The following BRD4 variants were observed in gnomAD, a reference collection of about 807,000 sequenced individuals.
BRD4 encodes bromodomain containing 4, also known as bromodomain-containing protein 4.
Under a neutral mutation model 142.1 loss-of-function variants are expected in BRD4, and 16 were observed. The observed-to-expected ratio is 0.11, with a 90% CI of 0.08 to 0.17. BRD4 has a LOEUF of 0.17. BRD4 is among the 10% of genes least tolerant of loss of function. The pLI is 1.00. For synonymous variants in BRD4, 833 were observed against 707.5 expected (o/e 1.18, Z -2.82); for missense variants, 1,424 against 1,810.9 (o/e 0.79, Z 3.88).
intron 11 of BRD4, chr19:15,253,037 G>A (rs2047364338): frequency 4.3e-6 from 1 of 233,754 alleles, no homozygotes; most frequent in South Asian, 1.7e-4. Context: ...AAATCCCAGG[G>A]ATGGGACAGG....
chr19:15,297,475 T>C (rs2047832840), intron 1 of BRD4, among the ~76,000 whole-genome samples: 1 of 152,216 alleles, frequency 6.6e-6, no homozygotes, highest in South Asian at 2.1e-4. Flanking sequence ...CACAGAGTTT[T>C]AAAATCGCCT....
At chr19:15,258,886 C>T (rs560720473) in intron 7 of BRD4, among the ~76,000 whole-genome samples, 107 of 152,350 alleles carry the variant, frequency 7.0e-4, no homozygotes, top group African/African-American at 2.5e-3. Context: ...TGAGCCACTG[C>T]ACCCAGCAAA....
chr19:15,288,129 C>T (rs2145661056), intron 1 of BRD4, among the ~76,000 whole-genome samples: 2 of 152,296 alleles, frequency 1.3e-5, no homozygotes, highest in Middle Eastern at 3.4e-3. Context: ...ATCCATCCAT[C>T]AATGGACACA....
At chr19:15,299,622 G>C (rs1436559785) in intron 1 of BRD4, among the ~76,000 whole-genome samples, 2 of 152,198 alleles carry the variant, frequency 1.3e-5, no homozygotes, top group South Asian at 2.1e-4. Flanking sequence ...CACATGTAGA[G>C]ACACACACAG....
At chr19:15,251,445 GGGGGGGGGGGC>G (rs1221319496) in intron 11 of BRD4, among the ~76,000 whole-genome samples, 5 of 112,580 alleles carry the variant, frequency 4.4e-5, no homozygotes, top group African/African-American at 1.7e-4. Flanking sequence ...GAACGGGGGG[GGGGGGGGGGGC>G]GGGGGCGCGG....
intron 1 of BRD4, among the ~76,000 whole-genome samples, chr19:15,305,106 C>T (rs1212188297): frequency 1.3e-5 from 2 of 151,240 alleles, no homozygotes; most frequent in African/African-American, 2.4e-5. Context: ...ACAACCTCCA[C>T]CTCCTGGGTT....
At position 15,238,122 on chromosome 19, in the gene BRD4, G is replaced by A. The variant is rs980242317; in HGVS notation, c.*255C>T. On this transcript the variant is annotated 3_prime_UTR_variant, in exon 20 of 20. Coordinates refer to ENST00000679869, the MANE Select transcript of BRD4 (RefSeq NM_001379291.1). This position sits in a 1 kb window ranked among gnomAD's most constrained non-coding sequence, Gnocchi z 7.2. ...CAGGGCTTGGGTCCAGCCGGCACTT[G>A]CTCGTAACAAGGCGTGTGCTGAGCG... The A allele has an allele frequency of 5.7e-6, 3 of 526,008 alleles. No individual in the cohort carries two copies. 32.6% of individuals were successfully genotyped at this position (526,008 alleles called of 1,614,324 possible). A position where few individuals can be genotyped will look rare whatever the true frequency, so the allele number is the denominator to read the frequency against.
At chr19:15,254,096 T>G in intron 11 of BRD4, 56 bp downstream of exon 11, 1 of 1,455,876 alleles carries the variant, frequency 6.9e-7, no homozygotes, top group Non-Finnish European at 9.6e-7. Flanking sequence ...ACCGAGCTAG[T>G]GCCAGGCACA....
Position 15,263,493 on chromosome 19 carries a change from C to T in BRD4, c.1268G>A (p.Arg423Gln), listed in dbSNP as rs1568387511. ...CTTATAGCAGTTGGAGAACATCAAT[C>T]GGACGTCAGCACCAAACTCCTGAGC... ...RDAQEFGADVRLMFSNCYKYN... is the reference protein window; with the variant it reads ...RDAQEFGADVQLMFSNCYKYN... The change falls in exon 7 of 20, where the codon CGA (arginine) becomes CAA (glutamine). Residue 423 changes from arginine to glutamine, a missense_variant. Around this residue, in one of 16 missense-constraint regions of BRD4, gnomAD observed 22 missense variants for 49.5 expected, o/e 0.44. Coordinates refer to ENST00000679869, the MANE Select transcript of BRD4 (RefSeq NM_001379291.1). The T allele has an allele frequency of 1.2e-6, 2 of 1,614,184 alleles. No individual in the cohort carries two copies. Among genetic ancestry groups the T allele is most frequent in the Non-Finnish European group, 8.5e-7 (1 of 1,180,028 alleles).
chr19:15,239,874 T>A lies in BRD4; in HGVS notation c.3282+36A>T. On this transcript the variant is annotated intron_variant, in intron 15 of 19. Transcript: ENST00000679869. This position sits in a 1 kb window ranked among gnomAD's most constrained non-coding sequence, Gnocchi z 7.4. ...TGAGGTGGGCAGGCACCCCCGGCCC[T>A]AGCCCACAGGACTATGGCCCAGCCC... 5 of 1,614,012 alleles carry A rather than the reference T, an allele frequency of 3.1e-6. No homozygotes were observed. The highest frequency in any genetic ancestry group is 3.4e-6 in the Non-Finnish European group (4 of 1,180,018).
intron 4 of BRD4, among the ~76,000 whole-genome samples, chr19:15,266,488 C>T (rs2145606846): frequency 6.6e-6 from 1 of 152,314 alleles, no homozygotes; most frequent in Non-Finnish European, 1.5e-5. Context: ...TAGGAGATGC[C>T]ACCACGTCTG....
intron 1 of BRD4, among the ~76,000 whole-genome samples, chr19:15,323,846 C>T (rs2048085603): frequency 1.3e-5 from 2 of 152,158 alleles, no homozygotes; most frequent in Admixed American, 6.5e-5. Flanking sequence ...CTTTTTCAGG[C>T]AGAAAGCAAA....
At chr19:15,254,400 C>A (rs113533722) in intron 10 of BRD4, 138 bp from the exon 11 acceptor site, 2 of 682,920 alleles carry the variant, frequency 2.9e-6, no homozygotes, top group African/African-American at 1.8e-5. Flanking sequence ...CTGCTCCCAA[C>A]TGCCAGCTGC....
intron 1 of BRD4, chr19:15,331,833 T>C (rs1020739910): frequency 4.1e-5 from 6 of 146,408 alleles, no homozygotes; most frequent in African/African-American, 1.5e-4. Context: ...GGCCGGGACT[T>C]ACCCGGGCCG....
chr19:15,328,570 C>G (rs17721902), intron 1 of BRD4, among the ~76,000 whole-genome samples: 1 of 152,150 alleles, frequency 6.6e-6, no homozygotes, highest in African/African-American at 2.4e-5. Context: ...AAGTCACTAC[C>G]GAACAATTAT....
chr19:15,261,413 C>T (rs1447810454), intron 7 of BRD4, among the ~76,000 whole-genome samples: 2 of 151,666 alleles, frequency 1.3e-5, no homozygotes, highest in African/African-American at 2.4e-5. Flanking sequence ...AACCAGGAGG[C>T]GGAGGTTGCA....
At chr19:15,260,754 C>A (rs928405862) in intron 7 of BRD4, among the ~76,000 whole-genome samples, 1 of 146,636 alleles carries the variant, frequency 6.8e-6, no homozygotes, top group Non-Finnish European at 1.5e-5. Context: ...TTGGTAAACT[C>A]TACATTCAGG....
intron 11 of BRD4, chr19:15,245,098 G>C: frequency 4.8e-6 from 2 of 414,004 alleles, no homozygotes; most frequent in South Asian, 4.9e-5. Flanking sequence ...TATAGTGACT[G>C]AGTGCATGGC....
rs375592377 is a variant in BRD4 at position 15,322,783 on chromosome 19, C to A, written c.-35+9507G>T. Among the ~76,000 whole-genome samples the A allele has an allele frequency of 1.6e-4, 23 of 146,796 alleles. 1 individual carries two copies. In the South Asian group the frequency reaches 4.8e-3, roughly 30 times the overall value. On this transcript the variant is annotated intron_variant, in intron 1 of 19. Transcript: ENST00000679869. ...TTGGGAGGCTGAAGCAGGAGAATAG[C>A]GTGAACCTGGGAGGCAGAGCTTGCA... is the stretch of plus-strand genomic sequence containing the variant.
Sources: allele counts gnomAD v4.1 joint callset (sites outside exome capture counted in the v4.1 genomes callset), GRCh38; gene constraint gnomAD v4.1.1; regional missense constraint gnomAD v4.1.1; non-coding constraint Gnocchi (gnomAD v3.1); transcripts MANE v1.5; gene names NCBI Gene and HGNC (gene_info 2026-07-23, HGNC 2026-07-21).